The following PDZD2 variants were observed in gnomAD, a reference collection of about 807,000 sequenced individuals.
The protein encoded by PDZD2 is PDZ domain-containing protein 2.
A neutral mutation model predicts 220.7 loss-of-function variants in PDZD2; 90 were observed. That is an observed-to-expected ratio of 0.41 (90% confidence interval 0.34 to 0.49). PDZD2 has a LOEUF of 0.49. PDZD2 is among the 20% of genes least tolerant of loss of function. The probability of loss-of-function intolerance (pLI) is 0.28; values close to 1 mark genes in which losing one functional copy is unlikely to be tolerated. For missense variants in PDZD2, 3,174 were observed against 3,608.5 expected (o/e 0.88, Z 3.08); for synonymous variants, 1,375 against 1,450.5 (o/e 0.95, Z 1.18).
intron 7 of PDZD2, among the ~76,000 whole-genome samples, chr5:32,038,182 T>TA (rs547581515): frequency 0.51 from 55,552 of 108,694 alleles, 14,572 homozygotes; most frequent in South Asian, 0.58. Flanking sequence ...TTTCCTCCAT[T>TA]AAAAAAAAAA....
intron 3 of PDZD2, among the ~76,000 whole-genome samples, chr5:31,991,821 G>C (rs1397086036): frequency 6.6e-6 from 1 of 152,166 alleles, no homozygotes; most frequent in Non-Finnish European, 1.5e-5. Context: ...CAGTGGTCAG[G>C]AGTTCAAGAC....
intron 2 of PDZD2, among the ~76,000 whole-genome samples, chr5:31,880,783 T>TTTTTTTC (rs1554088322): frequency 2.8e-5 from 3 of 105,794 alleles, no homozygotes; most frequent in African/African-American, 4.3e-5. Context: ...TAGCTTTCTT[T>TTTTTTTC]TTTTTTTCTT....
Position 31,869,826 on chromosome 5 carries a change from G to A in PDZD2, c.476+70102G>A, listed in dbSNP as rs576960746. On this transcript the variant is annotated intron_variant, in intron 2 of 24. Transcript: ENST00000438447. ...AGCCGAGCTCACAGTCTTAATTCCT[G>A]CTGTCGGCTCGGGCATCTGAGGGCA... is the stretch of plus-strand genomic sequence containing the variant. Among the ~76,000 whole-genome samples, 8 of 152,244 alleles carry A rather than the reference G, an allele frequency of 5.3e-5. No homozygotes were observed. In the East Asian group the frequency reaches 1.5e-3, roughly 29 times the overall value.
intron 2 of PDZD2, among the ~76,000 whole-genome samples, chr5:31,925,761 C>CAAAA (rs70957983): frequency 0.24 from 32,712 of 137,014 alleles, 3,872 homozygotes; most frequent in Non-Finnish European, 0.28. Context: ...AGCCAACAAG[C>CAAAA]AAAAAAAAAA....
chr5:31,721,578 A>G (rs1441464188), intron 1 of PDZD2, among the ~76,000 whole-genome samples: 1 of 151,360 alleles, frequency 6.6e-6, no homozygotes, highest in Non-Finnish European at 1.5e-5. Context: ...GGAAAGGATA[A>G]AGTGAAACGT....
intron 2 of PDZD2, among the ~76,000 whole-genome samples, chr5:31,814,387 G>T (rs1337376375): frequency 1.3e-5 from 2 of 152,202 alleles, no homozygotes; most frequent in Non-Finnish European, 2.9e-5. Context: ...CCCAAGGTAG[G>T]TAGGTTACAG....
At chr5:31,857,910 CCT>C (rs1474859281) in intron 2 of PDZD2, among the ~76,000 whole-genome samples, 1 of 152,018 alleles carries the variant, frequency 6.6e-6, no homozygotes, top group African/African-American at 2.4e-5. Flanking sequence ...CACTGCAACC[CCT>C]GTCTCCCGGG....
At chr5:31,965,919 C>T (rs1255850627) in intron 2 of PDZD2, among the ~76,000 whole-genome samples, 1 of 152,000 alleles carries the variant, frequency 6.6e-6, no homozygotes, top group Non-Finnish European at 1.5e-5. Context: ...CCAACCAAAA[C>T]ACTTAAAATG....
chr5:31,892,249 C>T (rs1741114248), intron 2 of PDZD2, among the ~76,000 whole-genome samples: 1 of 152,112 alleles, frequency 6.6e-6, no homozygotes, highest in Admixed American at 6.6e-5. Context: ...TTACCTTCTC[C>T]TCAAGGTCTA....
At chr5:31,777,682 A>T (rs1035207720) in intron 1 of PDZD2, among the ~76,000 whole-genome samples, 6 of 152,178 alleles carry the variant, frequency 3.9e-5, no homozygotes, top group African/African-American at 1.4e-4. Flanking sequence ...GGATGCACCA[A>T]TCGGCACTCT....
At chr5:31,698,440 CA>C (rs371319785) in intron 1 of PDZD2, among the ~76,000 whole-genome samples, 65,863 of 147,124 alleles carry the variant, frequency 0.45, 15,329 homozygotes, top group East Asian at 0.61. Flanking sequence ...CTAAAAAATA[CA>C]AAAAAAAATT....
At chr5:31,927,190 A>G (rs1011106931) in intron 2 of PDZD2, among the ~76,000 whole-genome samples, 2 of 152,204 alleles carry the variant, frequency 1.3e-5, no homozygotes, top group African/African-American at 4.8e-5. Context: ...ACCAACCGGC[A>G]TATATACCCC....
Position 32,022,172 on chromosome 5 carries a change from GTTTTGTTT to G in PDZD2, c.1407+11710_1407+11717del, listed in dbSNP as rs1451656753. Among the ~76,000 whole-genome samples, 65 of 130,218 alleles carry G rather than the reference GTTTTGTTT, an allele frequency of 5.0e-4. 1 individual carries two copies. Among genetic ancestry groups the G allele is most frequent in the African/African-American group, 1.5e-3 (55 of 35,510 alleles). 85.4% of individuals were successfully genotyped at this position (130,218 alleles called of 152,430 possible). On this transcript the variant is annotated intron_variant, in intron 6 of 24. Coordinates refer to ENST00000438447, the MANE Select transcript of PDZD2 (RefSeq NM_178140.4). ...TCTGTACTTGTCTTCTTCTTTTTTCGTTTTGTTTTTTTGTTTTTTTGTTTTTTGTTTTT... is the reference window on the plus strand; with the variant it reads ...TCTGTACTTGTCTTCTTCTTTTTTCGTTTTGTTTTTTTGTTTTTTGTTTTT...
At chr5:31,663,552 G>A (rs1745864110) in intron 1 of PDZD2, among the ~76,000 whole-genome samples, 1 of 152,192 alleles carries the variant, frequency 6.6e-6, no homozygotes, top group Non-Finnish European at 1.5e-5. Context: ...TCTCTGTGCT[G>A]TTGAAATTGG....
intron 2 of PDZD2, among the ~76,000 whole-genome samples, chr5:31,859,921 A>G (rs773959201): frequency 2.0e-5 from 3 of 152,156 alleles, no homozygotes; most frequent in Non-Finnish European, 4.4e-5. Context: ...AGTTGCCAGT[A>G]TTAAAAGCTC....
intron 2 of PDZD2, among the ~76,000 whole-genome samples, chr5:31,888,583 C>T (rs1044339484): frequency 5.3e-5 from 8 of 152,196 alleles, no homozygotes. Context: ...GTAGGCTTGG[C>T]TGTTAATGAG....
chr5:31,656,304 GCCTTCCCT>G (rs748228048), intron 1 of PDZD2, among the ~76,000 whole-genome samples: 1 of 152,040 alleles, frequency 6.6e-6, no homozygotes, highest in Non-Finnish European at 1.5e-5. Flanking sequence ...AGCCTTCCCC[GCCTTCCCT>G]GGCTGGCAGC....
At chr5:31,717,011 C>T (rs534078694) in intron 1 of PDZD2, among the ~76,000 whole-genome samples, 65 of 151,628 alleles carry the variant, frequency 4.3e-4, no homozygotes, top group Non-Finnish European at 6.0e-4. Context: ...GAAAGGTGTA[C>T]AAAGGTAAGT....
At chr5:32,082,768 A>G (rs1742096585) in intron 19 of PDZD2, among the ~76,000 whole-genome samples, 1 of 152,198 alleles carries the variant, frequency 6.6e-6, no homozygotes, top group African/African-American at 2.4e-5. Context: ...AGAAAGTTTT[A>G]GAAACTTTAG....
Sources: gnomAD v4.1 joint callset for allele counts (sites outside exome capture counted in the v4.1 genomes callset) on GRCh38, gnomAD v4.1.1 for gene constraint, MANE v1.5 for transcripts, NCBI Gene and HGNC (gene_info 2026-07-23, HGNC 2026-07-21) for gene names.